Variants in GABRB1 observed in about 807,000 individuals in gnomAD.
GABRB1 encodes the protein gamma-aminobutyric acid receptor subunit beta-1.
A neutral mutation model predicts 51.6 loss-of-function variants in GABRB1; 17 were observed. The observed-to-expected ratio is 0.33, with a 90% CI of 0.23 to 0.49. GABRB1 has a LOEUF of 0.49. GABRB1 is among the 20% of genes least tolerant of loss of function. GABRB1 has a pLI of 0.99. For synonymous variants in GABRB1, 247 were observed against 218.9 expected, an observed-to-expected ratio of 1.13 and a Z score of -1.14; for missense variants, 410 against 600.6, an observed-to-expected ratio of 0.68 and a Z score of 3.32.
At chr4:47,323,408 C>A (rs1725150500) in intron 5 of GABRB1, among the ~76,000 whole-genome samples, 1 of 152,188 alleles carries the variant, frequency 6.6e-6, no homozygotes, top group African/African-American at 2.4e-5. Flanking sequence ...TTGCTTGTTT[C>A]TACCTAAGTA....
In GABRB1 at chr4:47,148,393, C is replaced by T. The variant is rs144782406; in HGVS notation, c.241-12856C>T. The stretch of plus-strand genomic sequence containing the variant: ...CCAGCCCCTTCTCTTAATAAGTTTA[C>T]GCTCATCCTTTATCCTAGAGTCGTC... On this transcript the variant is annotated intron_variant, in intron 3 of 8. Coordinates refer to ENST00000295454, the MANE Select transcript of GABRB1 (RefSeq NM_000812.4). Among the ~76,000 whole-genome samples, 432 of 152,132 alleles carry T rather than the reference C, an allele frequency of 2.8e-3. 3 individuals are homozygous for T. Among genetic ancestry groups the T allele is most frequent in the African/African-American group, 9.1e-3 (376 of 41,534 alleles).
At chr4:47,298,792 G>C (rs1352550270) in intron 4 of GABRB1, among the ~76,000 whole-genome samples, 1 of 152,108 alleles carries the variant, frequency 6.6e-6, no homozygotes, top group Non-Finnish European at 1.5e-5. Flanking sequence ...TCAATCCTAA[G>C]CCAAAAGAAC....
intron 4 of GABRB1, among the ~76,000 whole-genome samples, chr4:47,212,486 C>A (rs1275978034): frequency 6.6e-6 from 1 of 152,098 alleles, no homozygotes; most frequent in Non-Finnish European, 1.5e-5. Flanking sequence ...ACCAGCCTGG[C>A]CAACATGGTG....
chr4:47,268,745 T>C (rs1722740463), intron 4 of GABRB1, among the ~76,000 whole-genome samples: 1 of 152,202 alleles, frequency 6.6e-6, no homozygotes, highest in African/African-American at 2.4e-5. Flanking sequence ...ACTGATAGCA[T>C]TAAAATGCTT....
chr4:47,343,375 A>C (rs1327265830), intron 5 of GABRB1, among the ~76,000 whole-genome samples: 1 of 152,200 alleles, frequency 6.6e-6, no homozygotes, highest in East Asian at 1.9e-4. Context: ...TGCAGCAACA[A>C]TGGACCAACT....
chr4:47,349,186 T>G lies in GABRB1; in HGVS notation c.544+28977T>G, dbSNP rs80109234. 4.5e-3 allele frequency among the ~76,000 whole-genome samples: 679 copies of G among 152,244 alleles called. 5 individuals are homozygous for G. Among genetic ancestry groups the G allele is most frequent in the African/African-American group, 0.016 (655 of 41,544 alleles). On this transcript the variant is annotated intron_variant, in intron 5 of 8. Transcript: ENST00000295454. ...TTGAAGATATAAATTTGTGAATTAT[T>G]TGCATATTTTGATGATAATTATAGC...
At chr4:47,189,195 G>A (rs1172100088) in intron 4 of GABRB1, among the ~76,000 whole-genome samples, 3 of 151,886 alleles carry the variant, frequency 2.0e-5, no homozygotes, top group African/African-American at 7.2e-5. Flanking sequence ...GTCAGGGTAA[G>A]GAAACAGCTA....
chr4:47,329,151 C>T (rs909181798), intron 5 of GABRB1, among the ~76,000 whole-genome samples: 8 of 151,922 alleles, frequency 5.3e-5, no homozygotes, highest in African/African-American at 1.9e-4. Context: ...AGAATTAAGT[C>T]CAGTTTTTAA....
At chr4:47,046,586 C>T (rs944865528) in intron 3 of GABRB1, among the ~76,000 whole-genome samples, 3 of 151,982 alleles carry the variant, frequency 2.0e-5, no homozygotes, top group Non-Finnish European at 1.5e-5. Flanking sequence ...CACAGTGACC[C>T]TGAAGATGAG....
At chr4:47,049,217 T>A (rs749334625) in intron 3 of GABRB1, among the ~76,000 whole-genome samples, 15 of 152,150 alleles carry the variant, frequency 9.9e-5, no homozygotes, top group Non-Finnish European at 1.3e-4. Context: ...GATTTGTTTG[T>A]TTGAGTTCAA....
At chr4:47,115,574 CTTGA>C (rs1715442203) in intron 3 of GABRB1, among the ~76,000 whole-genome samples, 6 of 151,648 alleles carry the variant, frequency 4.0e-5, no homozygotes, top group Admixed American at 3.3e-4. Flanking sequence ...GGGGAATTAA[CTTGA>C]TTTTCATTTC....
At chr4:47,218,597 A>G (rs1720647552) in intron 4 of GABRB1, among the ~76,000 whole-genome samples, 1 of 151,804 alleles carries the variant, frequency 6.6e-6, no homozygotes, top group Non-Finnish European at 1.5e-5. Context: ...AATGCTGAGC[A>G]TTTTTTAATA....
intron 4 of GABRB1, among the ~76,000 whole-genome samples, chr4:47,317,176 T>C (rs753254446): frequency 1.3e-5 from 2 of 151,936 alleles, no homozygotes; most frequent in African/African-American, 4.8e-5. Flanking sequence ...CTGGGCTCCA[T>C]CTACTAGATT....
chr4:47,316,658 A>G (rs1724902802), intron 4 of GABRB1, among the ~76,000 whole-genome samples: 2 of 151,950 alleles, frequency 1.3e-5, no homozygotes, highest in Admixed American at 1.3e-4. Context: ...ATCATTAAGT[A>G]CTTCTAGAGA....
chr4:47,031,393 G>A, upstream of GABRB1: 2 of 524,988 alleles, frequency 3.8e-6, no homozygotes, highest in South Asian at 2.3e-5. Context: ...ACACATGCTC[G>A]TAGGATCCCC....
chr4:47,012,113 T>G (rs1191085589), intron 1 of GABRB1, among the ~76,000 whole-genome samples: 2 of 152,222 alleles, frequency 1.3e-5, no homozygotes, highest in Non-Finnish European at 2.9e-5. Context: ...TCATGCACAC[T>G]TATATATTTT....
chr4:47,005,392 T>A (rs999462618), intron 1 of GABRB1, among the ~76,000 whole-genome samples: 1 of 152,066 alleles, frequency 6.6e-6, no homozygotes, highest in Non-Finnish European at 1.5e-5. Context: ...CACTCCAGCA[T>A]GGGCGACAGA....
rs1378138839 is a variant in GABRB1 at position 47,382,473 on chromosome 4, A to G, written c.545-20845A>G. 3.9e-5 allele frequency among the ~76,000 whole-genome samples: 6 copies of G among 152,204 alleles called. No homozygotes were observed. In the East Asian group the frequency reaches 1.2e-3, roughly 29 times the overall value. The stretch of plus-strand genomic sequence containing the variant: ...ATTCTTCTAAGCGTTTTGATGATGG[A>G]TTGCTTCTAAGAAGCACTCTGTAGC... On this transcript the variant is annotated intron_variant, in intron 5 of 8. Coordinates refer to ENST00000295454, the MANE Select transcript of GABRB1 (RefSeq NM_000812.4).
At chr4:47,405,530 C>T (rs551568915) in intron 7 of GABRB1, among the ~76,000 whole-genome samples, 4 of 152,166 alleles carry the variant, frequency 2.6e-5, no homozygotes, top group African/African-American at 9.6e-5. Context: ...TTTCTATGCT[C>T]TTTTGACCCT....
Sources: allele counts gnomAD v4.1 joint callset (sites outside exome capture counted in the v4.1 genomes callset), GRCh38; gene constraint gnomAD v4.1.1; transcripts MANE v1.5; gene names NCBI Gene and HGNC (gene_info 2026-07-23, HGNC 2026-07-21).